DOCK3: variants seen among roughly 807,000 people sequenced by gnomAD.
The protein encoded by DOCK3 is dedicator of cytokinesis 3.
Under a neutral mutation model 265.6 loss-of-function variants are expected in DOCK3, and 60 were observed. That is an observed-to-expected ratio of 0.23 (90% confidence interval 0.18 to 0.28). The LOEUF (loss-of-function observed/expected upper bound fraction) is 0.28. Ranked by LOEUF, DOCK3 falls within the 10% of genes least tolerant of loss-of-function variation. The probability of loss-of-function intolerance (pLI) is 1.00; values close to 1 mark genes in which losing one functional copy is unlikely to be tolerated. For synonymous variants in DOCK3, 881 were observed against 938.0 expected, an observed-to-expected ratio of 0.94 and a Z score of 1.11; for missense variants, 1,981 against 2,594.3, an observed-to-expected ratio of 0.76 and a Z score of 5.14.
At chr3:51,279,219 T>C (rs1335984454) in intron 26 of DOCK3, among the ~76,000 whole-genome samples, 14 of 152,132 alleles carry the variant, frequency 9.2e-5, no homozygotes, top group Admixed American at 9.2e-4. Flanking sequence ...GCCATTGCGC[T>C]CCAGACTGGG....
chr3:51,090,270 T>C lies in DOCK3; in HGVS notation c.632T>C (p.Met211Thr). 1 of 1,598,630 alleles carries C rather than the reference T, an allele frequency of 6.3e-7. No individual in the cohort carries two copies. The highest frequency in any genetic ancestry group is 1.1e-5 in the South Asian group (1 of 88,268). Residue 211 changes from methionine to threonine, a missense_variant, in exon 9 of 53, where the codon ATG (methionine) becomes ACG (threonine). By Grantham distance (81) the Met-to-Thr change is moderately conservative. Around this residue, in one of 4 missense-constraint regions of DOCK3, gnomAD observed 456 missense variants for 539.0 expected, o/e 0.85. Transcript: ENST00000266037. ...CCACGTCATGGGGAAACATGTCGGATGCCAGTGCCACATCACTTCTTCCTC... is the reference window on the plus strand; with the variant it reads ...CCACGTCATGGGGAAACATGTCGGACGCCAGTGCCACATCACTTCTTCCTC... ...MRPRHGETCR[M>T]PVPHHFFLSL...
At chr3:51,338,454 A>G (rs2085009984) in intron 36 of DOCK3, 35 bp downstream of exon 36, 7 of 1,550,932 alleles carry the variant, frequency 4.5e-6, no homozygotes, top group Non-Finnish European at 6.1e-6. Context: ...CTCTCTGCCT[A>G]CTGAAATGGT....
chr3:50,939,172 G>C (rs141449819), intron 5 of DOCK3, among the ~76,000 whole-genome samples: 2 of 152,166 alleles, frequency 1.3e-5, no homozygotes, highest in Non-Finnish European at 2.9e-5. Context: ...GATAGTTTAA[G>C]ATGAATAGGT....
At chr3:51,231,133 T>TC (rs2108417857) in intron 19 of DOCK3, among the ~76,000 whole-genome samples, 1 of 131,448 alleles carries the variant, frequency 7.6e-6, no homozygotes, top group East Asian at 2.1e-4. Context: ...TTTTTTTTTT[T>TC]TTTTTTTTTT....
intron 4 of DOCK3, among the ~76,000 whole-genome samples, chr3:50,891,756 A>G (rs1195748561): frequency 2.0e-5 from 3 of 152,126 alleles, no homozygotes; most frequent in Non-Finnish European, 4.4e-5. Context: ...TATAGATGAA[A>G]TCTAGGGATG....
At chr3:51,243,395 T>A (rs1415929222) in intron 21 of DOCK3, among the ~76,000 whole-genome samples, 1 of 151,564 alleles carries the variant, frequency 6.6e-6, no homozygotes, top group Non-Finnish European at 1.5e-5. Context: ...TCACCTTTCC[T>A]CCAGAGCCAT....
chr3:51,297,117 C>CAA (rs71633066), intron 27 of DOCK3, among the ~76,000 whole-genome samples: 47,419 of 65,702 alleles, frequency 0.72, 18,062 homozygotes, highest in Non-Finnish European at 0.79. Flanking sequence ...GACTCTGTCT[C>CAA]AAAAAAAAAA....
intron 10 of DOCK3, among the ~76,000 whole-genome samples, chr3:51,151,432 T>C (rs541713227): frequency 1.3e-5 from 2 of 152,264 alleles, no homozygotes; most frequent in Admixed American, 1.3e-4. Context: ...ACCCTATCTG[T>C]AGGTCACCAG....
intron 5 of DOCK3, among the ~76,000 whole-genome samples, chr3:50,970,891 T>TATATATATA (rs2077186146): frequency 8.2e-5 from 1 of 12,162 alleles, no homozygotes; most frequent in Non-Finnish European, 1.8e-4. Context: ...CATCTAATTT[T>TATATATATA]TATATATATA....
chr3:51,305,581 G>A (rs944696920), intron 27 of DOCK3, among the ~76,000 whole-genome samples: 8 of 151,758 alleles, frequency 5.3e-5, no homozygotes, highest in Admixed American at 1.3e-4. Flanking sequence ...TAATTGGTAG[G>A]TTTTACACCT....
chr3:50,839,167 A>G (rs1484399218), intron 2 of DOCK3, among the ~76,000 whole-genome samples: 6 of 152,046 alleles, frequency 3.9e-5, no homozygotes, highest in Non-Finnish European at 7.4e-5. Context: ...TTGTTAGCTC[A>G]TTTCTTTTTG....
intron 14 of DOCK3, among the ~76,000 whole-genome samples, chr3:51,221,039 C>G (rs1346086602): frequency 1.3e-5 from 2 of 152,044 alleles, no homozygotes; most frequent in Non-Finnish European, 2.9e-5. Flanking sequence ...GCAAACACAT[C>G]ATGAACTGTT....
At chr3:51,158,781 G>A (rs893773353) in intron 10 of DOCK3, among the ~76,000 whole-genome samples, 9 of 152,154 alleles carry the variant, frequency 5.9e-5, no homozygotes, top group South Asian at 2.1e-4. Flanking sequence ...GAACAACTTC[G>A]TGTGTAATAA....
Position 51,260,247 on chromosome 3 carries a change from G to A in DOCK3, c.2276G>A (p.Ser759Asn). The A allele has an allele frequency of 1.2e-6, 2 of 1,613,892 alleles. No individual in the cohort carries two copies. Among genetic ancestry groups the A allele is most frequent in the African/African-American group, 1.3e-5 (1 of 75,016 alleles). ...CGMEEEQFRS[S>N]IQELFQSIRF... Reference sequence around the variant, plus strand: ...ATGGAAGAGGAACAATTCAGATCCAGTATCCAAGAACTTTTCCAGTCCATC... The same window carrying A: ...ATGGAAGAGGAACAATTCAGATCCAATATCCAAGAACTTTTCCAGTCCATC... Residue 759 changes from serine to asparagine, a missense_variant, in exon 23 of 53, where the codon AGT becomes AAT. Transcript: ENST00000266037.
intron 5 of DOCK3, among the ~76,000 whole-genome samples, chr3:50,946,270 ATATAC>A (rs1455573164): frequency 6.6e-6 from 1 of 152,156 alleles, no homozygotes; most frequent in African/African-American, 2.4e-5. Context: ...TTTTTCAAAT[ATATAC>A]TAGTTCCCTA....
chr3:51,053,105 A>ATATATATATG (rs2081064676), intron 5 of DOCK3, among the ~76,000 whole-genome samples: 2 of 101,484 alleles, frequency 2.0e-5, no homozygotes, highest in Non-Finnish European at 4.2e-5. Context: ...ATATATATAT[A>ATATATATATG]TATATATATA....
chr3:50,680,484 G>A (rs1011981173), intron 1 of DOCK3, among the ~76,000 whole-genome samples: 25 of 149,200 alleles, frequency 1.7e-4, no homozygotes, highest in African/African-American at 5.7e-4. Flanking sequence ...AAAGTGCTGG[G>A]ATTACAGGCA....
intron 10 of DOCK3, among the ~76,000 whole-genome samples, chr3:51,157,796 CTT>C (rs11404204): frequency 1.0e-4 from 13 of 129,648 alleles, no homozygotes; most frequent in African/African-American, 2.3e-4. Context: ...TTGATTGTAC[CTT>C]TTTTTTTTTT....
chr3:50,983,876 G>A (rs1265564390), intron 5 of DOCK3, among the ~76,000 whole-genome samples: 2 of 152,098 alleles, frequency 1.3e-5, no homozygotes, highest in African/African-American at 2.4e-5. Flanking sequence ...GGTATGACTC[G>A]AGCCAGGGCT....
Sources: allele counts gnomAD v4.1 joint callset (sites outside exome capture counted in the v4.1 genomes callset), GRCh38; gene constraint gnomAD v4.1.1; regional missense constraint gnomAD v4.1.1; transcripts MANE v1.5; gene names NCBI Gene and HGNC (gene_info 2026-07-23, HGNC 2026-07-21).